The following NRK variants were observed in gnomAD, a reference collection of about 807,000 sequenced individuals.
The protein encoded by NRK is Nik related kinase, also known as nik-related protein kinase.
A neutral mutation model predicts 125.2 loss-of-function variants in NRK; 67 were observed. The ratio of observed to expected loss-of-function variants is 0.54; its 90% CI spans 0.44 to 0.66. NRK has a LOEUF of 0.66. NRK is among the 30% of genes least tolerant of loss of function. The probability of loss-of-function intolerance (pLI) is 0.00; values close to 1 mark genes in which losing one functional copy is unlikely to be tolerated. For synonymous variants in NRK, 458 were observed against 429.0 expected (o/e 1.07, Z -0.84); for missense variants, 1,224 against 1,192.9 (o/e 1.03, Z -0.38).
chrX:105,829,645 A>G (rs1393600993), intron 1 of NRK, among the ~76,000 whole-genome samples: 1 of 111,897 alleles, frequency 8.9e-6, no homozygotes, highest in African/African-American at 3.2e-5. Flanking sequence ...ACAATACTTG[A>G]AGATAAATAT....
chrX:105,865,345 G>C (rs536929284), intron 2 of NRK, among the ~76,000 whole-genome samples: 1 of 111,417 alleles, frequency 9.0e-6, no homozygotes. Context: ...TCCCCATGAA[G>C]AGTATAGGCA....
At chrX:105,920,057 A>C (rs1208684468) in intron 16 of NRK, among the ~76,000 whole-genome samples, 1 of 104,985 alleles carries the variant, frequency 9.5e-6, no homozygotes, top group Non-Finnish European at 1.9e-5. Flanking sequence ...ATCCATCTTG[A>C]ATTGATTTTT....
chrX:105,900,679 A>T lies in NRK; in HGVS notation c.766+7A>T. 9.3e-7 allele frequency: 1 copy of T among 1,070,127 alleles called. No homozygotes were observed. Among genetic ancestry groups the T allele is most frequent in the Non-Finnish European group, 1.3e-6 (1 of 771,643 alleles). The allele number at this position is 1,070,127 out of a possible 1,213,427, so 88.2% of individuals were successfully genotyped here. A position where few individuals can be genotyped will look rare whatever the true frequency, so the allele number is the denominator to read the frequency against. On this transcript the variant is annotated splice_region_variant and intron_variant, in intron 9 of 28. Transcript: ENST00000243300. Reference sequence around the variant, plus strand: ...ATGGCTGAAGGAGCCCCTCGTGAGTAAAAAATGTTTGATATTTGTTAAAGA... The same window carrying T: ...ATGGCTGAAGGAGCCCCTCGTGAGTTAAAAATGTTTGATATTTGTTAAAGA...
At chrX:105,824,705 A>T (rs1159805808) in intron 1 of NRK, among the ~76,000 whole-genome samples, 2 of 110,258 alleles carry the variant, frequency 1.8e-5, no homozygotes, top group Non-Finnish European at 1.9e-5. Context: ...GGAGCCCAGG[A>T]GATAAGAGGA....
Position 105,934,382 on chromosome X carries a change from A to G in NRK, c.3437A>G (p.Asn1146Ser). ...ESSTQSDFSA[N>S]HSSPSKGSGM... ...TCAACACAATCAGATTTTTCTGCCAATCACTCATCTCCTTCCAAAGGTTCT... is the reference window on the plus strand; with the variant it reads ...TCAACACAATCAGATTTTTCTGCCAGTCACTCATCTCCTTCCAAAGGTTCT... The change falls in exon 20 of 29, where the codon AAT becomes AGT. Residue 1146 changes from asparagine (N) to serine (S), a missense_variant. Physicochemically the swap from Asn to Ser is conservative, Grantham distance 46. Transcript: ENST00000243300. 8.3e-7 allele frequency: 1 copy of G among 1,205,427 alleles called. No homozygotes were observed. Among genetic ancestry groups the G allele is most frequent in the Non-Finnish European group, 1.1e-6 (1 of 890,311 alleles).
intron 7 of NRK, among the ~76,000 whole-genome samples, chrX:105,896,667 C>A (rs1475874672): frequency 9.1e-6 from 1 of 109,736 alleles, no homozygotes; most frequent in Admixed American, 9.8e-5. Flanking sequence ...TAGCAAGACC[C>A]TATCTCTACA....
chrX:105,942,283 T>G (rs2040753295), intron 23 of NRK, among the ~76,000 whole-genome samples: 2 of 112,010 alleles, frequency 1.8e-5, no homozygotes, highest in Non-Finnish European at 1.9e-5. Flanking sequence ...TATGTATGGT[T>G]TTTTTCTCTT....
chrX:105,926,954 G>A (rs1381784595), intron 19 of NRK, among the ~76,000 whole-genome samples: 2 of 110,849 alleles, frequency 1.8e-5, no homozygotes, highest in Admixed American at 9.6e-5. Context: ...GGATTGCTTT[G>A]GCTATTCTAG....
In NRK at chrX:105,880,011, TC is replaced by T. The variant is rs764864724; in HGVS notation, c.124-187del. On this transcript the variant is annotated intron_variant, in intron 2 of 28. Coordinates refer to ENST00000243300, the MANE Select transcript of NRK (RefSeq NM_198465.4). ...GAGTGTTTTGAGTGGGATGGTGATT[TC>T]TTTAAAATGTTGATAATTTAATATT... Among the ~76,000 whole-genome samples the T allele has an allele frequency of 6.4e-3, 715 of 111,263 alleles. 3 individuals are homozygous for T. The highest frequency in any genetic ancestry group is 0.01 in the Non-Finnish European group (543 of 52,862).
Position 105,909,894 on chromosome X carries a change from T to C in NRK, c.2241+12T>C. The C allele has an allele frequency of 1.8e-6, 2 of 1,110,708 alleles. No homozygotes were observed. Among genetic ancestry groups the C allele is most frequent in the Non-Finnish European group, 2.4e-6 (2 of 842,562 alleles). The allele number at this position is 1,110,708 out of a possible 1,213,427, so 91.5% of individuals were successfully genotyped here. ...GACAAGTTGATAAAGTAAGAATTTTTGATATTTTTACTCTGAGTCAAAAAT... is the reference window on the plus strand; with the variant it reads ...GACAAGTTGATAAAGTAAGAATTTTCGATATTTTTACTCTGAGTCAAAAAT... On this transcript the variant is annotated intron_variant, in intron 13 of 28. Coordinates refer to ENST00000243300, the MANE Select transcript of NRK (RefSeq NM_198465.4).
chrX:105,939,612 A>C (rs958531666), intron 22 of NRK, among the ~76,000 whole-genome samples: 2 of 111,016 alleles, frequency 1.8e-5, no homozygotes, highest in African/African-American at 6.5e-5. Context: ...GGAAGGCTTA[A>C]CTTGTCCCAA....
chrX:105,826,377 T>TATGA (rs1260289846), intron 1 of NRK, among the ~76,000 whole-genome samples: 2 of 77,914 alleles, frequency 2.6e-5, no homozygotes, highest in Admixed American at 3.2e-4. Context: ...ATTATATATA[T>TATGA]TATCATATAT....
chrX:105,938,271 A>G (rs1419054104), intron 22 of NRK, among the ~76,000 whole-genome samples: 2 of 111,783 alleles, frequency 1.8e-5, no homozygotes, highest in African/African-American at 6.5e-5. Context: ...TATGTGAATA[A>G]AATGATGCTA....
At chrX:105,886,961 A>G (rs2039955451) in intron 4 of NRK, among the ~76,000 whole-genome samples, 1 of 111,303 alleles carries the variant, frequency 9.0e-6, no homozygotes, top group South Asian at 3.7e-4. Flanking sequence ...ACACCTAAGT[A>G]TAAGAGCTAA....
At chrX:105,881,964 A>G (rs1305943604) in intron 4 of NRK, among the ~76,000 whole-genome samples, 185 bp downstream of exon 4, 2 of 111,281 alleles carry the variant, frequency 1.8e-5, no homozygotes, top group Non-Finnish European at 3.8e-5. Flanking sequence ...ATATATGAGC[A>G]CTAGCATATA....
chrX:105,929,578 C>CT (rs1282389625), intron 19 of NRK, among the ~76,000 whole-genome samples: 1 of 110,110 alleles, frequency 9.1e-6, no homozygotes, highest in Non-Finnish European at 1.9e-5. Context: ...TTTGTGTATC[C>CT]TTTTTTTTCT....
At chrX:105,939,144 G>A (rs1161161541) in intron 22 of NRK, among the ~76,000 whole-genome samples, 1 of 111,438 alleles carries the variant, frequency 9.0e-6, no homozygotes, top group Non-Finnish European at 1.9e-5. Context: ...CAAAAATGTT[G>A]TGTAAAAACA....
intron 19 of NRK, 43 bp downstream of exon 19, chrX:105,925,074 G>GA (rs1284716513): frequency 1.0e-6 from 1 of 969,226 alleles, no homozygotes; most frequent in African/African-American, 1.9e-5. Context: ...CTCTCATTGC[G>GA]AATGTGTTTC....
At chrX:105,903,883 C>T (rs1157379453) in intron 9 of NRK, among the ~76,000 whole-genome samples, 1 of 111,958 alleles carries the variant, frequency 8.9e-6, no homozygotes, top group African/African-American at 3.2e-5. Flanking sequence ...ACTGATTGGA[C>T]ATAGTAAAAG....
Sources: allele counts gnomAD v4.1 joint callset (sites outside exome capture counted in the v4.1 genomes callset), GRCh38; gene constraint gnomAD v4.1.1; transcripts MANE v1.5; gene names NCBI Gene and HGNC (gene_info 2026-07-23, HGNC 2026-07-21).